SEL1L2: variants seen among roughly 807,000 people sequenced by gnomAD.
SEL1L2 encodes the protein SEL1L2 adaptor subunit of SYVN1 ubiquitin ligase.
SEL1L2 carries 89 observed loss-of-function variants against 98.8 expected under a neutral mutation model. The ratio of observed to expected loss-of-function variants is 0.90; its 90% CI spans 0.76 to 1.07. The LOEUF (loss-of-function observed/expected upper bound fraction) is 1.07. Ranked by LOEUF, SEL1L2 falls within the 50% of genes least tolerant of loss-of-function variation. SEL1L2 has a pLI of 0.00. For missense variants in SEL1L2, 788 were observed against 812.0 expected (o/e 0.97, Z 0.36); for synonymous variants, 262 against 278.5 (o/e 0.94, Z 0.59).
chr20:13,915,051 C>T, intron 4 of SEL1L2: 1 of 1,232,186 alleles, frequency 8.1e-7, no homozygotes. Flanking sequence ...GACCTTGACT[C>T]AAATACAGGG....
At chr20:13,949,112 C>T (rs1316236316) in intron 2 of SEL1L2, among the ~76,000 whole-genome samples, 1 of 152,022 alleles carries the variant, frequency 6.6e-6, no homozygotes, top group Non-Finnish European at 1.5e-5. Context: ...AAAAGACAAC[C>T]CACAGACTGG....
intron 5 of SEL1L2, among the ~76,000 whole-genome samples, chr20:13,901,918 C>T (rs2148098809): frequency 6.6e-6 from 1 of 152,304 alleles, no homozygotes; most frequent in Non-Finnish European, 1.5e-5. Context: ...CCGCCTCAGC[C>T]TTCCAAAGTG....
intron 1 of SEL1L2, among the ~76,000 whole-genome samples, chr20:13,958,009 G>A (rs898951650): frequency 1.3e-5 from 2 of 152,090 alleles, no homozygotes; most frequent in Non-Finnish European, 2.9e-5. Context: ...ATATGAATAA[G>A]TTTTATTAAA....
intron 17 of SEL1L2, among the ~76,000 whole-genome samples, chr20:13,862,179 G>A (rs1295953459): frequency 6.6e-6 from 1 of 152,166 alleles, no homozygotes; most frequent in African/African-American, 2.4e-5. Context: ...TTTAGATAAT[G>A]CTTTCCCTAG....
chr20:13,886,560 T>C, intron 8 of SEL1L2, 118 bp from the exon 9 acceptor site: 1 of 864,852 alleles, frequency 1.2e-6, no homozygotes, highest in East Asian at 2.7e-5. Flanking sequence ...TCTGTTCAAC[T>C]AATAGAGACA....
intron 2 of SEL1L2, 109 bp downstream of exon 2, chr20:13,955,967 A>T (rs1321466985): frequency 7.5e-6 from 5 of 664,144 alleles, no homozygotes; most frequent in South Asian, 1.7e-5. Context: ...TTGATTGAGA[A>T]TTAAAAAAAA....
intron 1 of SEL1L2, among the ~76,000 whole-genome samples, chr20:13,966,830 T>C (rs1049377671): frequency 6.6e-6 from 1 of 151,548 alleles, no homozygotes; most frequent in African/African-American, 2.4e-5. Flanking sequence ...CATGGCACTT[T>C]AATAACAAAT....
chr20:13,965,347 T>A (rs1000314082), intron 1 of SEL1L2, among the ~76,000 whole-genome samples: 4 of 152,128 alleles, frequency 2.6e-5, no homozygotes, highest in African/African-American at 9.7e-5. Context: ...AGGCTGGGAA[T>A]AAATGACTAG....
intron 3 of SEL1L2, among the ~76,000 whole-genome samples, chr20:13,923,285 G>C (rs766133855): frequency 2.6e-4 from 39 of 152,120 alleles, no homozygotes; most frequent in Non-Finnish European, 4.4e-4. Flanking sequence ...ACAACGTTTA[G>C]AAGTGTTTAT....
At chr20:13,947,877 G>A (rs1166943373) in intron 2 of SEL1L2, among the ~76,000 whole-genome samples, 1 of 152,244 alleles carries the variant, frequency 6.6e-6, no homozygotes, top group Non-Finnish European at 1.5e-5. Context: ...TGCCCACTCT[G>A]CCACAGCAGC....
rs184331669 is a variant in SEL1L2 at position 13,952,941 on chromosome 20, A to G, written c.114+3135T>C. On this transcript the variant is annotated intron_variant, in intron 2 of 19. Transcript: ENST00000284951. ...CTACTCTGGAAGCTGAGGCGGGAGA[A>G]TCGCTTAAACCTGGGAGGCTTGCAG... Among the ~76,000 whole-genome samples the G allele has an allele frequency of 5.3e-5, 8 of 152,316 alleles. No individual in the cohort carries two copies. The East Asian group carries it at 1.4e-3, about 26-fold the overall frequency.
Position 13,987,525 on chromosome 20 carries a change from T to C in SEL1L2, c.58+2952A>G, listed in dbSNP as rs545976884. Among the ~76,000 whole-genome samples, 19 of 152,026 alleles carry C rather than the reference T, an allele frequency of 1.2e-4. No individual in the cohort carries two copies. The East Asian group carries it at 3.1e-3, about 25-fold the overall frequency. On this transcript the variant is annotated intron_variant, in intron 1 of 19. Transcript: ENST00000284951. ...TATACCCAGCTAATTTTTGTATTTT[T>C]AGTAGAGACAGGGTTTCACCATGTT...
At position 13,893,059 on chromosome 20, in the gene SEL1L2, G is replaced by T. The variant is rs563357196; in HGVS notation, c.550-4547C>A. Among the ~76,000 whole-genome samples, 6 of 152,264 alleles carry T rather than the reference G, an allele frequency of 3.9e-5. No homozygotes were observed. The East Asian group carries it at 9.6e-4, about 24-fold the overall frequency. On this transcript the variant is annotated intron_variant, in intron 5 of 19. Coordinates refer to ENST00000284951, the MANE Select transcript of SEL1L2 (RefSeq NM_025229.2). Reference sequence around the variant, plus strand: ...AGAAATTCTTCAATTGACCCCAACAGACCACCTGGTGCCTCCCAACTGAAC... The same window carrying T: ...AGAAATTCTTCAATTGACCCCAACATACCACCTGGTGCCTCCCAACTGAAC...
At chr20:13,882,384 C>T (rs2046745838) in intron 10 of SEL1L2, among the ~76,000 whole-genome samples, 1 of 152,226 alleles carries the variant, frequency 6.6e-6, no homozygotes, top group Non-Finnish European at 1.5e-5. Context: ...TCCAAGTTTG[C>T]TGGCCTTGTG....
At chr20:13,876,673 T>G (rs567413964) in intron 11 of SEL1L2, among the ~76,000 whole-genome samples, 1 of 152,070 alleles carries the variant, frequency 6.6e-6, no homozygotes, top group Non-Finnish European at 1.5e-5. Flanking sequence ...ACTCCAGCAG[T>G]AGAGCAGAGA....
In SEL1L2 at chr20:13,911,950, T is replaced by C. The variant is rs2048221916; in HGVS notation, c.549+1832A>G. ...ATGAAAGATTACAGTGTTCCAGGTA[T>C]GAAACTAAGTGTCTTCCCACATTAT... On this transcript the variant is annotated intron_variant, in intron 5 of 19. Transcript: ENST00000284951. Among the ~76,000 whole-genome samples the C allele has an allele frequency of 1.3e-5, 2 of 152,192 alleles. 1 individual carries two copies. Among genetic ancestry groups the C allele is most frequent in the South Asian group, 4.1e-4 (2 of 4,832 alleles).
intron 5 of SEL1L2, among the ~76,000 whole-genome samples, chr20:13,901,074 TC>T (rs546260649): frequency 0.035 from 4,937 of 142,252 alleles, 246 homozygotes; most frequent in Middle Eastern, 0.096. Flanking sequence ...TTTCTTTCTT[TC>T]TTTTTTTTTT....
intron 18 of SEL1L2, among the ~76,000 whole-genome samples, chr20:13,856,438 AAC>A (rs1210192504): frequency 6.6e-6 from 1 of 152,062 alleles, no homozygotes; most frequent in East Asian, 1.9e-4. Flanking sequence ...CCCTCTGAGA[AAC>A]AGTTTCATAA....
chr20:13,868,395 A>G (rs1200545230), intron 14 of SEL1L2, among the ~76,000 whole-genome samples: 1 of 152,090 alleles, frequency 6.6e-6, no homozygotes, highest in African/African-American at 2.4e-5. Context: ...TCATCTTAAA[A>G]GTAACTCCCT....
Sources: allele counts gnomAD v4.1 joint callset (sites outside exome capture counted in the v4.1 genomes callset), GRCh38; gene constraint gnomAD v4.1.1; transcripts MANE v1.5; gene names NCBI Gene and HGNC (gene_info 2026-07-23, HGNC 2026-07-21).